The following PPP2R5E variants were observed in gnomAD, a reference collection of about 807,000 sequenced individuals.
PPP2R5E encodes serine/threonine-protein phosphatase 2A 56 kDa regulatory subunit epsilon isoform.
Under a neutral mutation model 65.3 loss-of-function variants are expected in PPP2R5E, and 4 were observed. The observed-to-expected ratio is 0.06, with a 90% confidence interval of 0.03 to 0.14. The LOEUF (loss-of-function observed/expected upper bound fraction) is 0.14. Ranked by LOEUF, PPP2R5E falls within the 10% of genes least tolerant of loss-of-function variation. The pLI, the probability that PPP2R5E is intolerant of heterozygous loss-of-function variation, is 1.00. For synonymous variants in PPP2R5E, 183 were observed against 187.4 expected (o/e 0.98, Z 0.19); for missense variants, 274 against 556.1 (o/e 0.49, Z 5.10).
intron 5 of PPP2R5E, among the ~76,000 whole-genome samples, chr14:63,408,849 C>A (rs1886230620): frequency 6.6e-6 from 1 of 152,178 alleles, no homozygotes; most frequent in South Asian, 2.1e-4. Flanking sequence ...ATTGCCAGCA[C>A]TTTGGGAGGC....
chr14:63,491,050 A>C (rs113728731), intron 2 of PPP2R5E, among the ~76,000 whole-genome samples: 4 of 152,266 alleles, frequency 2.6e-5, no homozygotes, highest in African/African-American at 9.6e-5. Context: ...ACTATGCAGC[A>C]TAAGAAGAAT....
In PPP2R5E at chr14:63,429,072, T is replaced by C. The variant is rs184869181; in HGVS notation, c.355-6978A>G. Among the ~76,000 whole-genome samples, 1,339 of 152,322 alleles carry C rather than the reference T, an allele frequency of 8.8e-3. 31 individuals are homozygous for C. The highest frequency in any genetic ancestry group is 0.031 in the African/African-American group (1,284 of 41,568). On this transcript the variant is annotated intron_variant, in intron 3 of 13. Coordinates refer to ENST00000337537, the MANE Select transcript of PPP2R5E (RefSeq NM_006246.5). ...AAATTCATGAATACTTTGAATTTCC[T>C]GTAGTTATATTTTTGTTAAGATTTG...
chr14:63,374,473 C>T lies in PPP2R5E; in HGVS notation c.*1536G>A, dbSNP rs1260890420. The T allele has an allele frequency of 6.6e-6, 1 of 151,688 alleles. No individual in the cohort carries two copies. Among genetic ancestry groups the T allele is most frequent in the African/African-American group, 2.4e-5 (1 of 41,260 alleles). The allele number at this position is 151,688 out of a possible 1,614,324, so 9.4% of individuals were successfully genotyped here. A position where few individuals can be genotyped will look rare whatever the true frequency, so the allele number is the denominator to read the frequency against. On this transcript the variant is annotated 3_prime_UTR_variant, in exon 14 of 14. Coordinates refer to ENST00000337537, the MANE Select transcript of PPP2R5E (RefSeq NM_006246.5). ...CAACTCACTGCTGCCATGACCAAAACAAGCAAATGCATCCTGGAAATAAAC... is the reference window on the plus strand; with the variant it reads ...CAACTCACTGCTGCCATGACCAAAATAAGCAAATGCATCCTGGAAATAAAC...
chr14:63,400,287 T>A (rs993783185), intron 5 of PPP2R5E, among the ~76,000 whole-genome samples: 1 of 152,146 alleles, frequency 6.6e-6, no homozygotes, highest in African/African-American at 2.4e-5. Flanking sequence ...ATAAACAGCA[T>A]GTTAAGTAGT....
chr14:63,499,448 G>C (rs1024685339), intron 2 of PPP2R5E, among the ~76,000 whole-genome samples: 1 of 152,154 alleles, frequency 6.6e-6, no homozygotes, highest in Non-Finnish European at 1.5e-5. Context: ...AATAAGGCTG[G>C]GTGCAGGGGC....
intron 2 of PPP2R5E, among the ~76,000 whole-genome samples, chr14:63,482,773 T>C (rs1890778164): frequency 6.6e-6 from 1 of 152,224 alleles, no homozygotes; most frequent in Non-Finnish European, 1.5e-5. Context: ...AGACAGCCCC[T>C]AGAAAATCTA....
At chr14:63,409,950 C>T (rs1049183826) in intron 5 of PPP2R5E, among the ~76,000 whole-genome samples, 1 of 152,206 alleles carries the variant, frequency 6.6e-6, no homozygotes, top group Admixed American at 6.5e-5. Context: ...TTCACATTCT[C>T]AGCTCCTAAA....
intron 4 of PPP2R5E, among the ~76,000 whole-genome samples, chr14:63,415,961 A>T (rs748894543): frequency 3.3e-5 from 5 of 152,248 alleles, no homozygotes; most frequent in Non-Finnish European, 7.3e-5. Context: ...ACTCACTGAC[A>T]AATTTCTTTT....
rs558475440 is a variant in PPP2R5E at position 63,379,826 on chromosome 14, C to CTTTTT, written c.1304+2225_1304+2229dup. Among the ~76,000 whole-genome samples the CTTTTT allele has an allele frequency of 4.5e-3, 456 of 100,246 alleles. 22 individuals are homozygous for CTTTTT. The highest frequency in any genetic ancestry group is 0.023 in the African/African-American group (440 of 19,142). The allele number at this position is 100,246 out of a possible 152,430, so 65.8% of individuals were successfully genotyped here. On this transcript the variant is annotated intron_variant, in intron 13 of 13. Coordinates refer to ENST00000337537, the MANE Select transcript of PPP2R5E (RefSeq NM_006246.5). Reference sequence around the variant, plus strand: ...TAAGTTGTTCTTCAATATTCTCTCTCTTTTTTTTTTTTTTTTTTTTTTTTT... The same window carrying CTTTTT: ...TAAGTTGTTCTTCAATATTCTCTCTCTTTTTTTTTTTTTTTTTTTTTTTTTTTTTT...
chr14:63,513,062 G>A (rs931900140), intron 2 of PPP2R5E, among the ~76,000 whole-genome samples: 3 of 151,846 alleles, frequency 2.0e-5, no homozygotes, highest in East Asian at 1.9e-4. Flanking sequence ...GGCTGGGGGG[G>A]AAAAATTACC....
intron 2 of PPP2R5E, among the ~76,000 whole-genome samples, chr14:63,522,167 A>C (rs1594968075): frequency 6.6e-6 from 1 of 151,966 alleles, no homozygotes. Flanking sequence ...GCTGGTCTCC[A>C]GCTCCTAACC....
In PPP2R5E at chr14:63,519,563, A is replaced by G. The variant is rs564238375; in HGVS notation, c.157+19966T>C. Among the ~76,000 whole-genome samples, 24 of 139,290 alleles carry G rather than the reference A, an allele frequency of 1.7e-4. 2 individuals carry two copies. In the South Asian group the frequency reaches 5.4e-3, roughly 32 times the overall value. The allele number at this position is 139,290 out of a possible 152,430, so 91.4% of individuals were successfully genotyped here. A position where few individuals can be genotyped will look rare whatever the true frequency, so the allele number is the denominator to read the frequency against. On this transcript the variant is annotated intron_variant, in intron 2 of 13. Transcript: ENST00000337537. The stretch of plus-strand genomic sequence containing the variant: ...GAGACAGGGTTTCACCGTGTTGGCC[A>G]GGGGGGTCTCGAACTCCTGACCTCA...
chr14:63,475,795 T>C (rs986782646), intron 2 of PPP2R5E, among the ~76,000 whole-genome samples: 5 of 152,204 alleles, frequency 3.3e-5, no homozygotes, highest in Non-Finnish European at 7.3e-5. Flanking sequence ...TTTTTTTAAA[T>C]AGCATGCATT....
chr14:63,484,843 T>C (rs1890900906), intron 2 of PPP2R5E, among the ~76,000 whole-genome samples: 1 of 152,146 alleles, frequency 6.6e-6, no homozygotes, highest in Admixed American at 6.6e-5. Flanking sequence ...CATAAGCCAA[T>C]AGTATCTTGT....
At chr14:63,536,444 A>G (rs1250228298) in intron 2 of PPP2R5E, among the ~76,000 whole-genome samples, 1 of 152,220 alleles carries the variant, frequency 6.6e-6, no homozygotes, top group Non-Finnish European at 1.5e-5. Context: ...GGGAATGAAA[A>G]ATGGTCCAGT....
chr14:63,404,954 T>C (rs1885981190), intron 5 of PPP2R5E, among the ~76,000 whole-genome samples: 1 of 152,162 alleles, frequency 6.6e-6, no homozygotes, highest in South Asian at 2.1e-4. Context: ...AAAATAAACA[T>C]GCGGTGGTCC....
At chr14:63,390,067 CCA>C in intron 10 of PPP2R5E, among the ~76,000 whole-genome samples, 1 of 151,970 alleles carries the variant, frequency 6.6e-6, no homozygotes. Flanking sequence ...AGCTCTCTTT[CCA>C]CAACACTTTT....
intron 2 of PPP2R5E, among the ~76,000 whole-genome samples, chr14:63,525,112 G>C (rs1209037786): frequency 6.6e-6 from 1 of 152,164 alleles, no homozygotes; most frequent in Non-Finnish European, 1.5e-5. Context: ...GGTATTGGGC[G>C]TGCAGCTTAA....
At chr14:63,541,250 C>T (rs1320558536) in intron 1 of PPP2R5E, among the ~76,000 whole-genome samples, 1 of 152,162 alleles carries the variant, frequency 6.6e-6, no homozygotes, top group Non-Finnish European at 1.5e-5. Context: ...AATGAAGCCA[C>T]CTTACGTTAT....
Sources: allele counts gnomAD v4.1 joint callset (sites outside exome capture counted in the v4.1 genomes callset), GRCh38; gene constraint gnomAD v4.1.1; transcripts MANE v1.5; gene names NCBI Gene and HGNC (gene_info 2026-07-23, HGNC 2026-07-21).